The following NRP2 variants were observed in gnomAD, a reference collection of about 807,000 sequenced individuals.
NRP2 encodes the protein neuropilin-2.
A neutral mutation model predicts 110.4 loss-of-function variants in NRP2; 52 were observed. The ratio of observed to expected loss-of-function variants is 0.47; its 90% CI spans 0.38 to 0.59. The LOEUF (loss-of-function observed/expected upper bound fraction) is 0.59. NRP2 is among the 20% of genes least tolerant of loss of function. NRP2 has a pLI of 0.00. For missense variants in NRP2, 1,049 were observed against 1,203.0 expected (o/e 0.87, Z 1.89); for synonymous variants, 508 against 468.9 (o/e 1.08, Z -1.08).
At chr2:205,737,477 G>A (rs574908784) in intron 7 of NRP2, among the ~76,000 whole-genome samples, 4 of 152,274 alleles carry the variant, frequency 2.6e-5, no homozygotes, top group East Asian at 1.9e-4. Context: ...CTAATTAGCC[G>A]CAGAGCACAG....
At chr2:205,742,037 G>C (rs1200869987) in intron 8 of NRP2, among the ~76,000 whole-genome samples, 1 of 152,228 alleles carries the variant, frequency 6.6e-6, no homozygotes, top group Non-Finnish European at 1.5e-5. Context: ...TGCTAATCCT[G>C]TCTAGGGGAC....
intron 15 of NRP2, among the ~76,000 whole-genome samples, chr2:205,788,558 T>A (rs1575684791): frequency 9.1e-6 from 1 of 110,258 alleles, no homozygotes. Context: ...AGGTGCCATG[T>A]TTGAAAGCAT....
At chr2:205,697,765 C>T (rs2056465771) in intron 2 of NRP2, 44 bp downstream of exon 2, 1 of 1,573,600 alleles carries the variant, frequency 6.4e-7, no homozygotes, top group Non-Finnish European at 8.7e-7. Context: ...CCATGAGATG[C>T]ACACGCCCTG....
chr2:205,795,289 G>A lies in NRP2; in HGVS notation c.*231G>A, dbSNP rs890539669. 4.6e-5 allele frequency: 24 copies of A among 523,016 alleles called. No individual in the cohort carries two copies. In the Admixed American group the frequency reaches 4.7e-4, roughly 10 times the overall value. 32.4% of individuals were successfully genotyped at this position (523,016 alleles called of 1,614,324 possible). A position where few individuals can be genotyped will look rare whatever the true frequency, so the allele number is the denominator to read the frequency against. ...GTGGCTAAGTCATTGCAGGAACGGG[G>A]CTGTGTTCTCTGCTGGGACAAAACA... On this transcript the variant is annotated 3_prime_UTR_variant, in exon 17 of 17. Transcript: ENST00000357785.
Position 205,796,692 on chromosome 2 carries a change from G to A in NRP2, c.*1634G>A, listed in dbSNP as rs2058355083. On this transcript the variant is annotated 3_prime_UTR_variant, in exon 17 of 17. Coordinates refer to ENST00000357785, the MANE Select transcript of NRP2 (RefSeq NM_003872.3). ...ATGACTCTCAACTACTCTTCAAAGG[G>A]AGGCATCAGGAATAGAATGAAACTG... 1 of 152,580 alleles carries A rather than the reference G, an allele frequency of 6.6e-6. No homozygotes were observed. Among genetic ancestry groups the A allele is most frequent in the African/African-American group, 2.4e-5 (1 of 41,418 alleles). 9.5% of individuals were successfully genotyped at this position (152,580 alleles called of 1,614,324 possible).
rs201943861 is a variant in NRP2, at chr2:205,763,663, G to A, written c.2045-11G>A. On this transcript the variant is annotated splice_polypyrimidine_tract_variant and intron_variant, in intron 12 of 16. Coordinates refer to ENST00000357785, the MANE Select transcript of NRP2 (RefSeq NM_003872.3). The surrounding 1 kb of genome is among the most constrained non-coding windows in gnomAD (Gnocchi z 4.0). ...TTATGGAGAACCTCTGTTTGGGTTT[G>A]TTTCTGCCAGATGACAGGAATTTCT... is the stretch of plus-strand genomic sequence containing the variant. 1.2e-6 allele frequency: 2 copies of A among 1,614,028 alleles called. No individual in the cohort carries two copies. The highest frequency in any genetic ancestry group is 2.7e-5 in the African/African-American group (2 of 74,938).
At chr2:205,687,086 G>T (rs1051133583) in intron 1 of NRP2, among the ~76,000 whole-genome samples, 1 of 152,064 alleles carries the variant, frequency 6.6e-6, no homozygotes, top group African/African-American at 2.4e-5. Context: ...TCCCCTCCTC[G>T]TCTGGAGAGC....
intron 12 of NRP2, among the ~76,000 whole-genome samples, chr2:205,758,037 T>C (rs985892651): frequency 4.6e-5 from 7 of 152,108 alleles, no homozygotes; most frequent in Non-Finnish European, 1.0e-4. Context: ...CAGCTCTGGG[T>C]AGATTCCTGC....
chr2:205,746,843 T>G (rs1189999526), intron 10 of NRP2, among the ~76,000 whole-genome samples: 1 of 152,226 alleles, frequency 6.6e-6, no homozygotes, highest in Admixed American at 6.5e-5. Context: ...GCTGCCTGTA[T>G]GCTGGCTACA....
chr2:205,755,596 T>C lies in NRP2; in HGVS notation c.2044+2621T>C, dbSNP rs149959540. On this transcript the variant is annotated intron_variant, in intron 12 of 16. Transcript: ENST00000357785. The stretch of plus-strand genomic sequence containing the variant: ...CCTTTCTGTTCAGGGTGGTCCTTAC[T>C]TCTTCTCCATAGGGAAAAAAAAAAA... 9.2e-3 allele frequency among the ~76,000 whole-genome samples: 1,323 copies of C among 143,260 alleles called. 14 individuals carry two copies. Among genetic ancestry groups the C allele is most frequent in the Middle Eastern group, 0.078 (22 of 282 alleles). The allele number at this position is 143,260 out of a possible 152,430, so 94.0% of individuals were successfully genotyped here.
chr2:205,745,242 T>A (rs953056516), intron 9 of NRP2, among the ~76,000 whole-genome samples: 1 of 152,194 alleles, frequency 6.6e-6, no homozygotes, highest in Admixed American at 6.5e-5. Context: ...GACAGTGTCA[T>A]TGGCCTAGGG....
chr2:205,755,847 T>C (rs1286705222), intron 12 of NRP2, among the ~76,000 whole-genome samples: 1 of 152,082 alleles, frequency 6.6e-6, no homozygotes, highest in East Asian at 1.9e-4. Context: ...TAATGAAATT[T>C]AAGAAAGGAG....
At chr2:205,719,293 C>T (rs914882407) in intron 3 of NRP2, among the ~76,000 whole-genome samples, 3 of 152,068 alleles carry the variant, frequency 2.0e-5, no homozygotes, top group African/African-American at 7.2e-5. Context: ...TGCTGTAGGA[C>T]CCACAGTGTG....
At chr2:205,688,926 C>A (rs1026265454) in intron 1 of NRP2, among the ~76,000 whole-genome samples, 1 of 152,200 alleles carries the variant, frequency 6.6e-6, no homozygotes, top group African/African-American at 2.4e-5. Context: ...TCCTATCCAT[C>A]ACCCGCCCTC....
At chr2:205,769,335 A>C (rs2057979687) in intron 15 of NRP2, among the ~76,000 whole-genome samples, 1 of 152,204 alleles carries the variant, frequency 6.6e-6, no homozygotes, top group African/African-American at 2.4e-5. Flanking sequence ...GTAAATCTTT[A>C]GTGAAATACA....
intron 1 of NRP2, among the ~76,000 whole-genome samples, chr2:205,692,677 T>A (rs1175360790): frequency 2.0e-5 from 3 of 152,226 alleles, no homozygotes; most frequent in African/African-American, 7.2e-5. Context: ...CTCTCCGTAA[T>A]GCAAGACAGA....
At position 205,723,790 on chromosome 2, in the gene NRP2, C is replaced by A. The variant is rs532796522; in HGVS notation, c.670C>A (p.Pro224Thr). Residue 224 changes from proline (P) to threonine (T), a missense_variant, in exon 5 of 17, where the codon CCC (proline) becomes ACC (threonine). Physicochemically the swap from Pro to Thr is conservative, Grantham distance 38 (BLOSUM62 -1). Coordinates refer to ENST00000357785, the MANE Select transcript of NRP2 (RefSeq NM_003872.3). ...DIWDGIPHVG[P>T]LIGKYCGTKT... ...TCTTTGTCTTGAATGTCCAGTTGGCCCCCTGATTGGCAAGTACTGTGGGAC... is the reference window on the plus strand; with the variant it reads ...TCTTTGTCTTGAATGTCCAGTTGGCACCCTGATTGGCAAGTACTGTGGGAC... 1.4e-5 allele frequency: 22 copies of A among 1,614,074 alleles called. No individual in the cohort carries two copies. In the South Asian group the frequency reaches 1.4e-4, roughly 10 times the overall value.
At chr2:205,760,424 G>C (rs900482537) in intron 12 of NRP2, among the ~76,000 whole-genome samples, 8 of 152,182 alleles carry the variant, frequency 5.3e-5, no homozygotes, top group Non-Finnish European at 7.3e-5. Flanking sequence ...ATGATTTAAC[G>C]AAGTGAAATC....
Position 205,796,335 on chromosome 2 carries a change from A to C in NRP2, c.*1277A>C, listed in dbSNP as rs62173008. The C allele has an allele frequency of 0.015, 2,361 of 152,716 alleles. 24 individuals carry two copies. The highest frequency in any genetic ancestry group is 0.027 in the Non-Finnish European group (1,811 of 68,042). The allele number at this position is 152,716 out of a possible 1,614,324, so 9.5% of individuals were successfully genotyped here. A position where few individuals can be genotyped will look rare whatever the true frequency, so the allele number is the denominator to read the frequency against. On this transcript the variant is annotated 3_prime_UTR_variant, in exon 17 of 17. Transcript: ENST00000357785. ...AACTGATTCTAACCAGAAGTCCGCA[A>C]GTACTGTGGACAAGAATGCTTAACC...
Sources: gnomAD v4.1 joint callset for allele counts (sites outside exome capture counted in the v4.1 genomes callset) on GRCh38, gnomAD v4.1.1 for gene constraint, Gnocchi (gnomAD v3.1) non-coding constraint, MANE v1.5 for transcripts, NCBI Gene and HGNC (gene_info 2026-07-23, HGNC 2026-07-21) for gene names.